PARP16: variants seen among roughly 807,000 people sequenced by gnomAD.
The protein encoded by PARP16 is poly(ADP-ribose) polymerase family member 16.
Under a neutral mutation model 35.0 loss-of-function variants are expected in PARP16, and 31 were observed. The ratio of observed to expected loss-of-function variants is 0.88; its 90% CI spans 0.66 to 1.19. The LOEUF (loss-of-function observed/expected upper bound fraction) is 1.19. Among genes scored for constraint, PARP16 ranks in the 50% most tolerant of loss-of-function variants. The pLI is 0.00. For missense variants in PARP16, 424 were observed against 411.2 expected (o/e 1.03, Z -0.27); for synonymous variants, 162 against 169.5 (o/e 0.96, Z 0.34).
At position 65,239,452 on chromosome 15, in the gene PARP16, A is replaced by AAGAG. The variant is rs1555419135; in HGVS notation, c.*98-4633_*98-4630dup. 1.4e-3 allele frequency among the ~76,000 whole-genome samples: 153 copies of AAGAG among 113,070 alleles called. 2 individuals are homozygous for AAGAG. The highest frequency in any genetic ancestry group is 2.1e-3 in the Non-Finnish European group (109 of 52,382). The allele number at this position is 113,070 out of a possible 152,430, so 74.2% of individuals were successfully genotyped here. On this transcript the variant is annotated intron_variant and NMD_transcript_variant, in intron 3 of 3. Transcript: ENST00000559805. Reference sequence around the variant, plus strand: ...AAAAAAAAAAAAAAAAAAAAAAAAAAAGAGAGAAAAGAAAAAAAAAAGAAA... The same window carrying AAGAG: ...AAAAAAAAAAAAAAAAAAAAAAAAAAAGAGAGAGAGAAAAGAAAAAAAAAAGAAA...
At chr15:65,274,957 A>T (rs1301468085) in intron 1 of PARP16, among the ~76,000 whole-genome samples, 1 of 152,074 alleles carries the variant, frequency 6.6e-6, no homozygotes, top group African/African-American at 2.4e-5. Flanking sequence ...CTCTACTAAA[A>T]ATATAAAAGT....
chr15:65,266,518 C>G, intron 3 of PARP16, 44 bp downstream of exon 3: 1 of 1,514,026 alleles, frequency 6.6e-7, no homozygotes, highest in East Asian at 2.3e-5. Context: ...CTCCCACCTC[C>G]ATCCCTGCTT....
At position 65,286,309 on chromosome 15, in the gene PARP16, G is replaced by A; in HGVS notation, c.118C>T (p.Leu40=). Residue 40 remains leucine (L), a synonymous_variant, in exon 1 of 6, where the codon CTG becomes TTG. Coordinates refer to ENST00000649807, the MANE Select transcript of PARP16 (RefSeq NM_001316943.2). Reference sequence around the variant, plus strand: ...GCGTAGGACGCGGGGAAGGGCCGCAGCACCGAGTCGCGCTTGTAGCTCTGC... The same window carrying A: ...GCGTAGGACGCGGGGAAGGGCCGCAACACCGAGTCGCGCTTGTAGCTCTGC... ...ALQSYKRDSV[L]RPFPASYARG... The A allele has an allele frequency of 6.2e-7, 1 of 1,603,796 alleles. No homozygotes were observed. The highest frequency in any genetic ancestry group is 8.5e-7 in the Non-Finnish European group (1 of 1,176,452).
At chr15:65,247,827 C>T (rs976731988) in intron 3 of PARP16, among the ~76,000 whole-genome samples, 8 of 115,772 alleles carry the variant, frequency 6.9e-5, no homozygotes, top group Admixed American at 1.1e-4. Flanking sequence ...TTTTTTGAGA[C>T]GGAGTCTTGC....
intron 1 of PARP16, among the ~76,000 whole-genome samples, chr15:65,278,497 T>C (rs1322813271): frequency 3.3e-5 from 5 of 152,058 alleles, no homozygotes; most frequent in Non-Finnish European, 5.9e-5. Context: ...CTCAGGGGTT[T>C]GGGAAGAGAA....
At position 65,286,349 on chromosome 15, in the gene PARP16, G is replaced by A; in HGVS notation, c.78C>T (p.Leu26=). The A allele has an allele frequency of 6.3e-7, 1 of 1,597,242 alleles. No individual in the cohort carries two copies. Among genetic ancestry groups the A allele is most frequent in the East Asian group, 2.3e-5 (1 of 43,572 alleles). The change falls in exon 1 of 6, where the codon CTC becomes CTT. Residue 26 remains leucine, a synonymous_variant. Transcript: ENST00000649807. The stretch of plus-strand genomic sequence containing the variant: ...TGTAGCTCTGCAGGGCCGAGGCGAA[G>A]AGGCTGCACCGGAGGTCGGCGGCCA... The part of the protein sequence containing the change: ...DMLAADLRCS[L]FASALQSYKR...
intron 2 of PARP16, among the ~76,000 whole-genome samples, chr15:65,268,124 A>T (rs892755476): frequency 6.6e-6 from 1 of 152,184 alleles, no homozygotes; most frequent in East Asian, 1.9e-4. Flanking sequence ...TTCTACCAAG[A>T]TCCCATCAAA....
intron 2 of PARP16, among the ~76,000 whole-genome samples, chr15:65,269,451 C>T (rs1330373051): frequency 6.6e-6 from 1 of 152,152 alleles, no homozygotes; most frequent in Non-Finnish European, 1.5e-5. Flanking sequence ...CCACCTTAGC[C>T]TTCCAAAGTG....
intron 2 of PARP16, among the ~76,000 whole-genome samples, chr15:65,251,838 C>T (rs1348732848): frequency 6.6e-6 from 1 of 151,866 alleles, no homozygotes; most frequent in Non-Finnish European, 1.5e-5. Flanking sequence ...GATCTCAGCT[C>T]ACTGCAAGCT....
At chr15:65,269,091 C>T (rs1355705810) in intron 2 of PARP16, among the ~76,000 whole-genome samples, 1 of 152,044 alleles carries the variant, frequency 6.6e-6, no homozygotes, top group Non-Finnish European at 1.5e-5. Context: ...TGTGAATTTC[C>T]TCTCTATAGT....
intron 3 of PARP16, among the ~76,000 whole-genome samples, chr15:65,243,507 T>G (rs752824685): frequency 2.0e-5 from 3 of 152,178 alleles, no homozygotes; most frequent in Non-Finnish European, 4.4e-5. Flanking sequence ...CTCCTTGACC[T>G]CCCAAAGTGC....
intron 1 of PARP16, among the ~76,000 whole-genome samples, chr15:65,279,078 T>C (rs1007720956): frequency 2.0e-5 from 3 of 152,150 alleles, no homozygotes; most frequent in African/African-American, 7.2e-5. Context: ...GGAGCCAGCA[T>C]GGGGACCCTA....
At chr15:65,256,857 A>G (rs1253968302), downstream of PARP16, among the ~76,000 whole-genome samples, 1 of 152,136 alleles carries the variant, frequency 6.6e-6, no homozygotes, top group African/African-American at 2.4e-5. Context: ...TGCCTGAAAC[A>G]CTTTTCCTCC....
At chr15:65,233,919 T>A (rs1281435073), downstream of PARP16, among the ~76,000 whole-genome samples, 9 of 152,144 alleles carry the variant, frequency 5.9e-5, no homozygotes, top group African/African-American at 1.4e-4. Flanking sequence ...AGTAAAAAAA[T>A]TTTTTTTCTT....
downstream of PARP16, among the ~76,000 whole-genome samples, chr15:65,253,392 G>A (rs1003551922): frequency 1.3e-5 from 2 of 150,098 alleles, no homozygotes; most frequent in Non-Finnish European, 3.0e-5. Context: ...GTGCAGTGGC[G>A]GGATCTCGGC....
rs367808430 is a variant in PARP16, at chr15:65,239,955, C to CTTTTTTTTTTTT, written c.*98-5144_*98-5133dup. Reference sequence around the variant, plus strand: ...ACAGGCGTGAGCCACCGCGTCTGACCTTTTTTTTTTTTTTTTTTTAAATAC... The same window carrying CTTTTTTTTTTTT: ...ACAGGCGTGAGCCACCGCGTCTGACCTTTTTTTTTTTTTTTTTTTTTTTTTTTTTTTAAATAC... On this transcript the variant is annotated intron_variant and NMD_transcript_variant, in intron 3 of 3. Transcript: ENST00000559805. 8.0e-4 allele frequency among the ~76,000 whole-genome samples: 65 copies of CTTTTTTTTTTTT among 81,716 alleles called. 9 individuals carry two copies. Among genetic ancestry groups the CTTTTTTTTTTTT allele is most frequent in the African/African-American group, 3.4e-3 (58 of 17,136 alleles). 53.6% of individuals were successfully genotyped at this position (81,716 alleles called of 152,430 possible). A position where few individuals can be genotyped will look rare whatever the true frequency, so the allele number is the denominator to read the frequency against.
chr15:65,260,911 C>T lies in PARP16; in HGVS notation c.807G>A (p.Leu269=), dbSNP rs758824642. The T allele has an allele frequency of 6.2e-7, 1 of 1,613,892 alleles. No homozygotes were observed. Among genetic ancestry groups the T allele is most frequent in the Non-Finnish European group, 8.5e-7 (1 of 1,179,906 alleles). Residue 269 remains leucine (L), a synonymous_variant, in exon 5 of 6, where the codon CTG becomes CTA. Coordinates refer to ENST00000649807, the MANE Select transcript of PARP16 (RefSeq NM_001316943.2). Reference sequence around the variant, plus strand: ...TCTTGGGTGGCTTCTGTGAATACACCAGGAGGTACTTCACTCGCAGCAGCT... The same window carrying T: ...TCTTGGGTGGCTTCTGTGAATACACTAGGAGGTACTTCACTCGCAGCAGCT... The part of the protein sequence containing the change: ...NNQLLRVKYL[L]VYSQKPPKRA...
At chr15:65,233,809 T>C (rs1359340659), downstream of PARP16, among the ~76,000 whole-genome samples, 1 of 151,904 alleles carries the variant, frequency 6.6e-6, no homozygotes, top group African/African-American at 2.4e-5. Flanking sequence ...AAAATAAAAA[T>C]GTCCAAAAGG....
At chr15:65,259,955 T>C (rs1421016869) in intron 5 of PARP16, among the ~76,000 whole-genome samples, 2 of 152,194 alleles carry the variant, frequency 1.3e-5, no homozygotes, top group Non-Finnish European at 2.9e-5. Flanking sequence ...GAAATCCTCT[T>C]TGGCCCACTA....
Sources: allele counts gnomAD v4.1 joint callset (sites outside exome capture counted in the v4.1 genomes callset), GRCh38; gene constraint gnomAD v4.1.1; transcripts MANE v1.5; gene names NCBI Gene and HGNC (gene_info 2026-07-23, HGNC 2026-07-21).